The following GRIA1 variants were observed in gnomAD, a reference collection of about 807,000 sequenced individuals.
GRIA1 encodes the protein glutamate receptor 1.
Under a neutral mutation model 99.2 loss-of-function variants are expected in GRIA1, and 31 were observed. The ratio of observed to expected loss-of-function variants is 0.31; its 90% CI spans 0.23 to 0.42. The LOEUF is 0.42. GRIA1 is among the 10% of genes least tolerant of loss of function. GRIA1 has a pLI of 1.00. For missense variants in GRIA1, 782 were observed against 1,157.5 expected, an observed-to-expected ratio of 0.68 and a Z score of 4.71; for synonymous variants, 438 against 432.4, an observed-to-expected ratio of 1.01 and a Z score of -0.16.
chr5:153,707,072 T>A (rs1758948756), intron 11 of GRIA1, among the ~76,000 whole-genome samples: 1 of 151,984 alleles, frequency 6.6e-6, no homozygotes, highest in Non-Finnish European at 1.5e-5. Context: ...TGAGGCAAGA[T>A]CATGCCACTG....
chr5:153,511,168 A>G (rs1049495957), intron 2 of GRIA1, among the ~76,000 whole-genome samples: 1 of 152,178 alleles, frequency 6.6e-6, no homozygotes, highest in Non-Finnish European at 1.5e-5. Flanking sequence ...ACCAAGGAGT[A>G]TTTTAAAAAG....
chr5:153,612,567 A>G (rs1766088395), intron 2 of GRIA1, among the ~76,000 whole-genome samples: 1 of 152,262 alleles, frequency 6.6e-6, no homozygotes, highest in South Asian at 2.1e-4. Flanking sequence ...TGAATGTCCA[A>G]TAAATGGCAA....
At chr5:153,501,064 C>CCCTAAACAAG (rs1754969169) in intron 2 of GRIA1, among the ~76,000 whole-genome samples, 1 of 152,162 alleles carries the variant, frequency 6.6e-6, no homozygotes, top group East Asian at 1.9e-4. Flanking sequence ...GCAAGAGGAT[C>CCCTAAACAAG]CCTAAACAAG....
intron 2 of GRIA1, among the ~76,000 whole-genome samples, chr5:153,554,982 TC>T (rs1450075909): frequency 6.6e-6 from 1 of 152,178 alleles, no homozygotes; most frequent in African/African-American, 2.4e-5. Context: ...ATACTTCTAC[TC>T]AGCTCAGAAG....
chr5:153,602,546 G>T (rs62384386), intron 2 of GRIA1, among the ~76,000 whole-genome samples: 33,083 of 119,088 alleles, frequency 0.28, 4,776 homozygotes, highest in East Asian at 0.76. Flanking sequence ...TAAAATAAAA[G>T]AAAATAAAAT....
intron 11 of GRIA1, among the ~76,000 whole-genome samples, chr5:153,750,961 G>A (rs181501618): frequency 3.9e-5 from 6 of 152,212 alleles, no homozygotes; most frequent in East Asian, 1.9e-4. Flanking sequence ...TTAGCTAGGC[G>A]TGGTGGCGCA....
chr5:153,654,017 C>G (rs1324427245), intron 4 of GRIA1, among the ~76,000 whole-genome samples: 2 of 152,164 alleles, frequency 1.3e-5, no homozygotes, highest in African/African-American at 4.8e-5. Flanking sequence ...GAAATTGCTT[C>G]TTACATTTAT....
intron 2 of GRIA1, among the ~76,000 whole-genome samples, chr5:153,609,821 A>G (rs1765819209): frequency 6.6e-6 from 1 of 151,978 alleles, no homozygotes; most frequent in Non-Finnish European, 1.5e-5. Context: ...TCGGCCTCCC[A>G]AAGTGCTGGG....
chr5:153,699,138 G>A, intron 10 of GRIA1, 65 bp downstream of exon 10: 1 of 1,160,602 alleles, frequency 8.6e-7, no homozygotes, highest in Admixed American at 1.9e-5. Context: ...AAATCATTTG[G>A]TGGTTGGGTG....
At chr5:153,673,414 A>C (rs892061254) in intron 5 of GRIA1, among the ~76,000 whole-genome samples, 3 of 152,186 alleles carry the variant, frequency 2.0e-5, no homozygotes, top group Non-Finnish European at 2.9e-5. Context: ...TTACTTGTTC[A>C]TTTATTGTCT....
rs142510391 is a variant in GRIA1, at chr5:153,764,796, C to T, written c.2022+164C>T. Reference sequence around the variant, plus strand: ...GACATTTCTAAGCTTTCTACCACCCCCCTGAGAAATCTACATTTCTACATT... The same window carrying T: ...GACATTTCTAAGCTTTCTACCACCCTCCTGAGAAATCTACATTTCTACATT... On this transcript the variant is annotated intron_variant, in intron 12 of 15. Coordinates refer to ENST00000285900, the MANE Select transcript of GRIA1 (RefSeq NM_000827.4). Among the ~76,000 whole-genome samples the T allele has an allele frequency of 1.6e-4, 25 of 152,264 alleles. No homozygotes were observed. In the East Asian group the frequency reaches 4.8e-3, roughly 29 times the overall value.
chr5:153,666,218 T>C (rs1581430719), intron 5 of GRIA1, among the ~76,000 whole-genome samples: 1 of 152,126 alleles, frequency 6.6e-6, no homozygotes, highest in African/African-American at 2.4e-5. Flanking sequence ...TTCCTCCACA[T>C]GTATTGAGCA....
intron 2 of GRIA1, among the ~76,000 whole-genome samples, chr5:153,600,305 TGGCGTGAACCCAGGA>T (rs1253970819): frequency 3.6e-5 from 5 of 139,350 alleles, no homozygotes; most frequent in Admixed American, 2.5e-4. Flanking sequence ...GGCAGCAGAA[TGGCGTGAACCCAGGA>T]GGCGGAGTTT....
chr5:153,600,243 C>T (rs1325090492), intron 2 of GRIA1, among the ~76,000 whole-genome samples: 18 of 151,544 alleles, frequency 1.2e-4, no homozygotes, highest in African/African-American at 2.7e-4. Flanking sequence ...TACAAAAAAA[C>T]TAGCTGGGCG....
intron 11 of GRIA1, among the ~76,000 whole-genome samples, chr5:153,747,373 G>C (rs999023955): frequency 6.6e-6 from 1 of 152,122 alleles, no homozygotes; most frequent in African/African-American, 2.4e-5. Context: ...CATTCAAAGG[G>C]ATTTGCCCCC....
chr5:153,650,648 C>G (rs1428525928), intron 4 of GRIA1, 134 bp downstream of exon 4: 4 of 756,890 alleles, frequency 5.3e-6, no homozygotes, highest in South Asian at 2.2e-5. Flanking sequence ...AGACCTCTAT[C>G]TCATTTTCTA....
intron 2 of GRIA1, among the ~76,000 whole-genome samples, chr5:153,579,468 A>G (rs1762859807): frequency 6.6e-6 from 1 of 152,152 alleles, no homozygotes; most frequent in Non-Finnish European, 1.5e-5. Flanking sequence ...AGAACTGGGC[A>G]CTTCTTCACT....
chr5:153,569,764 A>G (rs756207373), intron 2 of GRIA1, among the ~76,000 whole-genome samples: 5 of 152,218 alleles, frequency 3.3e-5, no homozygotes, highest in African/African-American at 9.6e-5. Context: ...GCAGATAGGC[A>G]TAACTACTTA....
Position 153,727,955 on chromosome 5 carries a change from AG to A in GRIA1, c.1823+21890del, listed in dbSNP as rs1399790015. On this transcript the variant is annotated intron_variant, in intron 11 of 15. Transcript: ENST00000285900. ...TCCTAAGCCAAAAGAACAAAGCTGG[AG>A]GCATCACGCTACCTGACTTCAAACT... 2.6e-5 allele frequency among the ~76,000 whole-genome samples: 4 copies of A among 151,854 alleles called. No homozygotes were observed. The East Asian group carries it at 5.8e-4, about 22-fold the overall frequency.
Sources: gnomAD v4.1 joint callset for allele counts (sites outside exome capture counted in the v4.1 genomes callset) on GRCh38, gnomAD v4.1.1 for gene constraint, MANE v1.5 for transcripts, NCBI Gene and HGNC (gene_info 2026-07-23, HGNC 2026-07-21) for gene names.